The following NAF1 variants were observed in gnomAD, a reference collection of about 807,000 sequenced individuals.
NAF1 encodes the protein H/ACA ribonucleoprotein complex non-core subunit NAF1.
In NAF1, 11 loss-of-function variants were observed where a neutral mutation model predicts 40.6. That is an observed-to-expected ratio of 0.27 (90% confidence interval 0.17 to 0.45). The LOEUF (loss-of-function observed/expected upper bound fraction) is 0.45. Ranked by LOEUF, NAF1 falls within the 20% of genes least tolerant of loss-of-function variation. The probability of loss-of-function intolerance (pLI) is 1.00; values close to 1 mark genes in which losing one functional copy is unlikely to be tolerated. For synonymous variants in NAF1, 260 were observed against 228.5 expected (o/e 1.14, Z -1.24); for missense variants, 607 against 611.1 (o/e 0.99, Z 0.07).
At chr4:163,148,748 A>C (rs1260904167) in intron 2 of NAF1, among the ~76,000 whole-genome samples, 2 of 152,202 alleles carry the variant, frequency 1.3e-5, no homozygotes, top group African/African-American at 4.8e-5. Context: ...CCTGTAAAAA[A>C]GGCTATTATC....
intron 2 of NAF1, among the ~76,000 whole-genome samples, chr4:163,149,761 A>G (rs940998362): frequency 6.6e-6 from 1 of 152,156 alleles, no homozygotes; most frequent in Non-Finnish European, 1.5e-5. Flanking sequence ...AGAATGCAGA[A>G]GGGAGTTTAG....
chr4:163,124,621 C>G (rs1730602662), downstream of NAF1, among the ~76,000 whole-genome samples: 1 of 152,112 alleles, frequency 6.6e-6, no homozygotes, highest in African/African-American at 2.4e-5. Flanking sequence ...TGTTTTCGAT[C>G]CACAATTGGT....
At chr4:163,114,371 C>A (rs1730260529) in intron 2 of NAF1, among the ~76,000 whole-genome samples, 1 of 152,204 alleles carries the variant, frequency 6.6e-6, no homozygotes, top group South Asian at 2.1e-4. Flanking sequence ...CCCTCCTTTG[C>A]TTCTACCTGT....
chr4:163,118,745 G>A (rs1002128564), intron 2 of NAF1, among the ~76,000 whole-genome samples: 2 of 151,632 alleles, frequency 1.3e-5, no homozygotes, highest in Admixed American at 6.6e-5. Flanking sequence ...AGAGAGAGAC[G>A]CTGTCTCAAA....
At chr4:163,133,029 A>T (rs1206519917) in intron 7 of NAF1, 125 bp downstream of exon 7, 3 of 767,432 alleles carry the variant, frequency 3.9e-6, no homozygotes, top group Non-Finnish European at 6.2e-6. Flanking sequence ...AATGGCTCTA[A>T]ATGTTAGCAG....
chr4:163,150,702 C>T (rs979323760), intron 2 of NAF1, among the ~76,000 whole-genome samples: 2 of 151,880 alleles, frequency 1.3e-5, no homozygotes, highest in Non-Finnish European at 2.9e-5. Flanking sequence ...ATATATCTGC[C>T]CTTTCAAAAC....
At position 163,129,104 on chromosome 4, in the gene NAF1, A is replaced by G; in HGVS notation, c.1278T>C (p.Leu426=). Residue 426 remains leucine (L), a synonymous_variant, in exon 8 of 8, where the codon CTT becomes CTC. Coordinates refer to ENST00000274054, the MANE Select transcript of NAF1 (RefSeq NM_138386.3). ...NPIMPQYPFP[L]PVFDMHNFPL... ...GAAAATTATGCATGTCAAACACTGG[A>G]AGAGGAAAGGGGTATTGTGGCATAA... is the stretch of plus-strand genomic sequence containing the variant. 1 of 1,612,216 alleles carries G rather than the reference A, an allele frequency of 6.2e-7. No individual in the cohort carries two copies. The highest frequency in any genetic ancestry group is 8.5e-7 in the Non-Finnish European group (1 of 1,178,782).
chr4:163,163,353 C>G (rs949689060), intron 2 of NAF1, among the ~76,000 whole-genome samples: 1 of 152,042 alleles, frequency 6.6e-6, no homozygotes, highest in Admixed American at 6.6e-5. Flanking sequence ...GAAAAAGGCT[C>G]CTGAGTGCCT....
intron 2 of NAF1, among the ~76,000 whole-genome samples, chr4:163,114,223 G>A (rs1352315193): frequency 6.6e-6 from 1 of 152,202 alleles, no homozygotes; most frequent in African/African-American, 2.4e-5. Flanking sequence ...GGAGAGGTCT[G>A]TGGAATCTAC....
rs531232681 is a variant in NAF1, at chr4:163,142,157, G to T, written c.718-1774C>A. On this transcript the variant is annotated intron_variant, in intron 4 of 7. Coordinates refer to ENST00000274054, the MANE Select transcript of NAF1 (RefSeq NM_138386.3). ...CGTCCAGTAAGAACTGTGAAGGACA[G>T]AAGAGGTGCACTCAGCACCACTCTT... 1.8e-4 allele frequency among the ~76,000 whole-genome samples: 27 copies of T among 152,346 alleles called. 1 individual carries two copies. Among genetic ancestry groups the T allele is most frequent in the African/African-American group, 6.5e-4 (27 of 41,588 alleles).
Position 163,164,204 on chromosome 4 carries a change from T to C in NAF1, c.540+13A>G. 6.6e-7 allele frequency: 1 copy of C among 1,513,586 alleles called. No individual in the cohort carries two copies. Among genetic ancestry groups the C allele is most frequent in the Non-Finnish European group, 8.8e-7 (1 of 1,132,178 alleles). The allele number at this position is 1,513,586 out of a possible 1,614,324, so 93.8% of individuals were successfully genotyped here. A position where few individuals can be genotyped will look rare whatever the true frequency, so the allele number is the denominator to read the frequency against. On this transcript the variant is annotated intron_variant, in intron 2 of 7. Transcript: ENST00000274054. ...AAACATGCAAACTAAGCTTAATAAA[T>C]CTAAGTACTTACATTAAGAAGTAAT... is the stretch of plus-strand genomic sequence containing the variant.
At position 163,147,932 on chromosome 4, in the gene NAF1, A is replaced by C. The variant is rs112950472; in HGVS notation, c.634+409T>G. On this transcript the variant is annotated intron_variant, in intron 3 of 7. Transcript: ENST00000274054. Reference sequence around the variant, plus strand: ...GCTCTAGAACCCAAAAAGAGCAAGGAAGTAAGATTCTCCCCTAGTACCTAC... The same window carrying C: ...GCTCTAGAACCCAAAAAGAGCAAGGCAGTAAGATTCTCCCCTAGTACCTAC... 2.7e-3 allele frequency among the ~76,000 whole-genome samples: 407 copies of C among 152,248 alleles called. 2 individuals carry two copies. The highest frequency in any genetic ancestry group is 9.3e-3 in the African/African-American group (386 of 41,552).
At chr4:163,148,534 C>CT (rs776090153) in intron 2 of NAF1, 100 bp from the exon 3 acceptor site, 51 of 768,582 alleles carry the variant, frequency 6.6e-5, no homozygotes, top group Non-Finnish European at 1.1e-4. Context: ...TCTGAAAATG[C>CT]TTTAAGTGCT....
chr4:163,145,887 T>C, intron 3 of NAF1, 23 bp from the exon 4 acceptor site: 1 of 1,117,262 alleles, frequency 9.0e-7, no homozygotes, highest in Non-Finnish European at 1.3e-6. Context: ...ATAGATTACT[T>C]CAAGATTTAC....
rs200571554 is a variant in NAF1, at chr4:163,151,970, AC to A, written c.541-3537del. On this transcript the variant is annotated intron_variant, in intron 2 of 7. Transcript: ENST00000274054. ...ATAAGAAAGCATCATGCTGAAATTT[AC>A]TTTTAGTAATTTTCTTGTATATTTA... Among the ~76,000 whole-genome samples, 949 of 152,290 alleles carry A rather than the reference AC, an allele frequency of 6.2e-3. 14 individuals carry two copies. Among genetic ancestry groups the A allele is most frequent in the African/African-American group, 0.022 (925 of 41,578 alleles).
At chr4:163,163,963 T>A (rs1732336622) in intron 2 of NAF1, among the ~76,000 whole-genome samples, 1 of 151,466 alleles carries the variant, frequency 6.6e-6, no homozygotes, top group Non-Finnish European at 1.5e-5. Flanking sequence ...GTAAAAAATG[T>A]AAAGTTCAAA....
At chr4:163,124,502 G>A (rs28361289), downstream of NAF1, among the ~76,000 whole-genome samples, 3,491 of 151,972 alleles carry the variant, frequency 0.023, 133 homozygotes, top group African/African-American at 0.064. Context: ...CTAATACAAC[G>A]TAAACCTTAT....
intron 2 of NAF1, among the ~76,000 whole-genome samples, chr4:163,160,817 C>A (rs1291979560): frequency 1.3e-5 from 2 of 152,066 alleles, no homozygotes; most frequent in African/African-American, 4.8e-5. Context: ...CAGAAAAGTT[C>A]ATTAATTTTC....
chr4:163,148,996 C>T (rs956299431), intron 2 of NAF1, among the ~76,000 whole-genome samples: 2 of 152,100 alleles, frequency 1.3e-5, no homozygotes, highest in Admixed American at 6.6e-5. Flanking sequence ...AGAATATAGG[C>T]TTTAGCCTAT....
Sources: gnomAD v4.1 joint callset for allele counts (sites outside exome capture counted in the v4.1 genomes callset) on GRCh38, gnomAD v4.1.1 for gene constraint, MANE v1.5 for transcripts, NCBI Gene and HGNC (gene_info 2026-07-23, HGNC 2026-07-21) for gene names.